PRCP: variants seen among roughly 807,000 people sequenced by gnomAD.
PRCP encodes the protein lysosomal Pro-X carboxypeptidase.
Under a neutral mutation model 54.2 loss-of-function variants are expected in PRCP, and 46 were observed. The observed-to-expected ratio is 0.85, with a 90% CI of 0.67 to 1.09. The LOEUF (loss-of-function observed/expected upper bound fraction) is 1.09. Among genes scored for constraint, PRCP ranks in the 50% least tolerant of loss-of-function variants. The probability of loss-of-function intolerance (pLI) is 0.00; values close to 1 mark genes in which losing one functional copy is unlikely to be tolerated. For synonymous variants in PRCP, 240 were observed against 212.2 expected, an observed-to-expected ratio of 1.13 and a Z score of -1.14; for missense variants, 613 against 596.8, an observed-to-expected ratio of 1.03 and a Z score of -0.28.
chr11:82,849,342 T>C, intron 5 of PRCP, 124 bp from the exon 6 acceptor site: 6 of 1,085,602 alleles, frequency 5.5e-6, no homozygotes, highest in African/African-American at 1.6e-5. Context: ...TCCCAGGATA[T>C]TTTCAGAGCA....
At chr11:82,849,842 G>A in intron 5 of PRCP, 72 bp downstream of exon 5, 1 of 1,252,700 alleles carries the variant, frequency 8.0e-7, no homozygotes, top group Non-Finnish European at 1.0e-6. Context: ...TACTTAAAAA[G>A]CGACAACTAC....
chr11:82,856,786 C>A (rs1473796363), intron 2 of PRCP, among the ~76,000 whole-genome samples: 4 of 152,136 alleles, frequency 2.6e-5, no homozygotes, highest in African/African-American at 9.7e-5. Flanking sequence ...CAGTCGCTCA[C>A]GCCTGTAATC....
chr11:82,872,404 A>G (rs188822957), intron 1 of PRCP, among the ~76,000 whole-genome samples: 1 of 152,328 alleles, frequency 6.6e-6, no homozygotes, highest in East Asian at 1.9e-4. Flanking sequence ...ATTAGTTAAG[A>G]TGAGGGCATG....
intron 1 of PRCP, among the ~76,000 whole-genome samples, chr11:82,880,802 G>A (rs1859731545): frequency 6.7e-6 from 1 of 149,994 alleles, no homozygotes; most frequent in Non-Finnish European, 1.5e-5. Flanking sequence ...TAGAGAGGAG[G>A]AAATGTGTGT....
In PRCP at chr11:82,824,952, T is replaced by G; in HGVS notation, c.1445A>C (p.Lys482Thr). Residue 482 changes from lysine to threonine, a missense_variant, in exon 9 of 9, where the codon AAG becomes ACG. Coordinates refer to ENST00000313010, the MANE Select transcript of PRCP (RefSeq NM_005040.4). ...LARSLEVRHM[K>T]NWIRDFYDSA... ...GTCATAGAAATCTCTGATCCAATTC[T>G]TCATATGTCTAACTTCCAAGGAGCG... 6.2e-7 allele frequency: 1 copy of G among 1,614,136 alleles called. No homozygotes were observed. Among genetic ancestry groups the G allele is most frequent in the Non-Finnish European group, 8.5e-7 (1 of 1,179,994 alleles).
At chr11:82,855,570 G>A (rs1482171555) in intron 2 of PRCP, among the ~76,000 whole-genome samples, 6 of 152,130 alleles carry the variant, frequency 3.9e-5, no homozygotes, top group Non-Finnish European at 7.3e-5. Flanking sequence ...AGCGAGCCCA[G>A]ATCACGCCAC....
chr11:82,876,701 A>G (rs2121226268), intron 1 of PRCP, among the ~76,000 whole-genome samples: 1 of 152,314 alleles, frequency 6.6e-6, no homozygotes, highest in South Asian at 2.1e-4. Flanking sequence ...ACCTCCTGCC[A>G]TGATTCTGAG....
At chr11:82,877,197 T>C (rs768393043) in intron 1 of PRCP, among the ~76,000 whole-genome samples, 2 of 152,214 alleles carry the variant, frequency 1.3e-5, no homozygotes, top group Non-Finnish European at 2.9e-5. Flanking sequence ...CAGCAAAGCA[T>C]TCAAAATGTG....
At chr11:82,825,269 T>C (rs747018537) in intron 8 of PRCP, 147 bp from the exon 9 acceptor site, 53 of 695,902 alleles carry the variant, frequency 7.6e-5, no homozygotes, top group Non-Finnish European at 9.9e-5. Context: ...TAATTTATCA[T>C]ATGGATAGAT....
intron 6 of PRCP, among the ~76,000 whole-genome samples, chr11:82,847,919 A>G (rs1858847383): frequency 6.6e-6 from 1 of 152,200 alleles, no homozygotes; most frequent in South Asian, 2.1e-4. Context: ...TCTAACATAA[A>G]ACATGATCTG....
chr11:82,828,039 CAT>C (rs1858284938), intron 8 of PRCP: 2 of 152,104 alleles, frequency 1.3e-5, no homozygotes, highest in Non-Finnish European at 2.9e-5. Context: ...CCTAGTATAA[CAT>C]ATTATGCATA....
intron 1 of PRCP, among the ~76,000 whole-genome samples, chr11:82,892,447 C>T (rs1860026238): frequency 6.6e-6 from 1 of 151,916 alleles, no homozygotes; most frequent in Admixed American, 6.6e-5. Context: ...TAAATTATCC[C>T]ATTACATACA....
At chr11:82,888,394 A>G (rs1439291580) in intron 1 of PRCP, among the ~76,000 whole-genome samples, 1 of 152,244 alleles carries the variant, frequency 6.6e-6, no homozygotes, top group African/African-American at 2.4e-5. Flanking sequence ...ATAGAAAGTA[A>G]GGATTTACAA....
chr11:82,853,295 A>G lies in PRCP; in HGVS notation c.310-17T>C, dbSNP rs766721048. 2 of 1,581,654 alleles carry G rather than the reference A, an allele frequency of 1.3e-6. No individual in the cohort carries two copies. Among genetic ancestry groups the G allele is most frequent in the African/African-American group, 1.4e-5 (1 of 73,568 alleles). ...CATGAACCCCTAAGAAGAGTTTACA[A>G]AATCACAGGATAAAATCAGAATGTG... On this transcript the variant is annotated splice_polypyrimidine_tract_variant and intron_variant, in intron 2 of 8. Transcript: ENST00000313010.
chr11:82,856,716 GA>G (rs1484209818), intron 2 of PRCP, among the ~76,000 whole-genome samples: 1 of 151,542 alleles, frequency 6.6e-6, no homozygotes, highest in African/African-American at 2.4e-5. Flanking sequence ...ACGATGGAGA[GA>G]AAACAAATTA....
chr11:82,842,109 C>T (rs1028316800), intron 6 of PRCP, among the ~76,000 whole-genome samples: 5 of 152,158 alleles, frequency 3.3e-5, no homozygotes, highest in African/African-American at 4.8e-5. Context: ...TGGAAAAGAA[C>T]AGTAGCAAGT....
intron 8 of PRCP, chr11:82,837,028 C>A: frequency 5.1e-6 from 1 of 195,952 alleles, no homozygotes; most frequent in East Asian, 1.7e-4. Context: ...CATAAAAGGG[C>A]TGGAGGAAAC....
intron 1 of PRCP, among the ~76,000 whole-genome samples, chr11:82,889,965 G>A (rs1400679108): frequency 6.6e-6 from 1 of 151,896 alleles, no homozygotes; most frequent in Non-Finnish European, 1.5e-5. Context: ...TAGTAGTCAG[G>A]GGAGGCGGTA....
At chr11:82,831,235 T>C (rs1591034792) in intron 8 of PRCP, 1 of 110,842 alleles carries the variant, frequency 9.0e-6, no homozygotes, top group South Asian at 3.0e-4. Flanking sequence ...AAAATGACTA[T>C]TGGTAAAATA....
Sources: allele counts gnomAD v4.1 joint callset (sites outside exome capture counted in the v4.1 genomes callset), GRCh38; gene constraint gnomAD v4.1.1; transcripts MANE v1.5; gene names NCBI Gene and HGNC (gene_info 2026-07-23, HGNC 2026-07-21).